Variants in STXBP6 observed in about 807,000 individuals in gnomAD.
The protein encoded by STXBP6 is syntaxin-binding protein 6.
Under a neutral mutation model 26.9 loss-of-function variants are expected in STXBP6, and 21 were observed. The ratio of observed to expected loss-of-function variants is 0.78; its 90% CI spans 0.55 to 1.12. The LOEUF (loss-of-function observed/expected upper bound fraction) is 1.12, where lower values mean the gene tolerates loss of function less well. STXBP6 is among the 50% of genes most tolerant of loss of function. The probability of loss-of-function intolerance (pLI) is 0.00; values close to 1 mark genes in which losing one functional copy is unlikely to be tolerated. For synonymous variants in STXBP6, 97 were observed against 92.6 expected (o/e 1.05, Z -0.27); for missense variants, 232 against 257.9 (o/e 0.90, Z 0.69).
At chr14:24,822,742 A>G (rs937952743) in intron 4 of STXBP6, among the ~76,000 whole-genome samples, 2 of 152,000 alleles carry the variant, frequency 1.3e-5, no homozygotes, top group Non-Finnish European at 2.9e-5. Context: ...ACCCAGTTCC[A>G]TTGCATGTCA....
intron 2 of STXBP6, among the ~76,000 whole-genome samples, chr14:24,909,199 A>C (rs1443603634): frequency 3.3e-5 from 5 of 152,248 alleles, no homozygotes; most frequent in Non-Finnish European, 7.3e-5. Context: ...ACACATTGGC[A>C]CATAAGCCTG....
chr14:24,931,133 A>AC lies in STXBP6; in HGVS notation c.154+43531_154+43532insG, dbSNP rs1349680574. 2.1e-4 allele frequency among the ~76,000 whole-genome samples: 30 copies of AC among 139,854 alleles called. 2 individuals are homozygous for AC. The highest frequency in any genetic ancestry group is 1.4e-3 in the South Asian group (6 of 4,366). The allele number at this position is 139,854 out of a possible 152,430, so 91.7% of individuals were successfully genotyped here. On this transcript the variant is annotated intron_variant, in intron 2 of 5. Coordinates refer to ENST00000323944, the MANE Select transcript of STXBP6 (RefSeq NM_001394410.1). ...ACTCCGTCTCAAAAAAAAAAAAAAAAAAAAAAAAACCCAAACACCACATGT... is the reference window on the plus strand; with the variant it reads ...ACTCCGTCTCAAAAAAAAAAAAAAAACAAAAAAAAACCCAAACACCACATGT...
chr14:24,971,703 T>A (rs939298081), intron 2 of STXBP6, among the ~76,000 whole-genome samples: 2 of 152,204 alleles, frequency 1.3e-5, no homozygotes, highest in African/African-American at 4.8e-5. Context: ...TCAAAACCAG[T>A]GAAGCCCTAC....
chr14:24,860,857 AAAAAT>A (rs1402898185), intron 2 of STXBP6, among the ~76,000 whole-genome samples: 1 of 151,816 alleles, frequency 6.6e-6, no homozygotes, highest in African/African-American at 2.4e-5. Context: ...TAGGGTGGCT[AAAAAT>A]AAAATAAATA....
At chr14:24,959,412 A>G (rs528268364) in intron 2 of STXBP6, among the ~76,000 whole-genome samples, 2 of 152,318 alleles carry the variant, frequency 1.3e-5, no homozygotes, top group Non-Finnish European at 2.9e-5. Flanking sequence ...GATGGGGAGA[A>G]CACAGAGCAA....
intron 2 of STXBP6, among the ~76,000 whole-genome samples, chr14:24,894,043 G>A (rs2070886085): frequency 6.6e-6 from 1 of 152,198 alleles, no homozygotes; most frequent in South Asian, 2.1e-4. Context: ...TATGGTAAAA[G>A]TAGAATGGAA....
intron 5 of STXBP6, among the ~76,000 whole-genome samples, chr14:24,813,576 GTGGT>G (rs1396127525): frequency 1.3e-5 from 2 of 152,276 alleles, no homozygotes; most frequent in East Asian, 3.9e-4. Flanking sequence ...ACTAATTCCT[GTGGT>G]TGGGGCTGGG....
intron 5 of STXBP6, among the ~76,000 whole-genome samples, chr14:24,818,550 G>A (rs2068046753): frequency 2.0e-5 from 3 of 152,170 alleles, no homozygotes; most frequent in Non-Finnish European, 1.5e-5. Flanking sequence ...CCCGAGGTGC[G>A]TAGTTCCCTG....
chr14:24,915,812 G>A (rs1205035733), intron 2 of STXBP6, among the ~76,000 whole-genome samples: 1 of 152,020 alleles, frequency 6.6e-6, no homozygotes, highest in Non-Finnish European at 1.5e-5. Flanking sequence ...CTGAGCCAAG[G>A]TTTGCAGAAC....
At chr14:24,905,070 T>A (rs1235849753) in intron 2 of STXBP6, among the ~76,000 whole-genome samples, 1 of 152,198 alleles carries the variant, frequency 6.6e-6, no homozygotes. Flanking sequence ...ATAGGTATCC[T>A]TTCCAAATAG....
intron 1 of STXBP6, chr14:24,995,011 CAAAA>C (rs34166172): frequency 0.011 from 1,076 of 96,654 alleles, 20 homozygotes; most frequent in African/African-American, 0.03. Context: ...GACTCCATGT[CAAAA>C]AAAAAAAAAA....
At chr14:24,915,912 C>T (rs1328244166) in intron 2 of STXBP6, among the ~76,000 whole-genome samples, 1 of 152,166 alleles carries the variant, frequency 6.6e-6, no homozygotes, top group African/African-American at 2.4e-5. Flanking sequence ...ATGTCACTAA[C>T]ATTTCTGAAC....
intron 4 of STXBP6, among the ~76,000 whole-genome samples, chr14:24,844,559 T>G (rs2139054211): frequency 6.6e-6 from 1 of 152,290 alleles, no homozygotes; most frequent in South Asian, 2.1e-4. Context: ...ACCCAATTGA[T>G]GCTCCAGAGA....
Position 24,820,529 on chromosome 14 carries a change from G to A in STXBP6, c.452-1335C>T, listed in dbSNP as rs144928790. ...CAAGATAAATCAGCACAGATAAATA[G>A]GGAGCAGAGGAAATGCAGTTCTAGG... On this transcript the variant is annotated intron_variant, in intron 4 of 5. Coordinates refer to ENST00000323944, the MANE Select transcript of STXBP6 (RefSeq NM_001394410.1). Among the ~76,000 whole-genome samples, 436 of 152,274 alleles carry A rather than the reference G, an allele frequency of 2.9e-3. 3 individuals are homozygous for A. Among genetic ancestry groups the A allele is most frequent in the African/African-American group, 9.9e-3 (411 of 41,552 alleles).
At chr14:24,824,928 G>A (rs1045099537) in intron 4 of STXBP6, among the ~76,000 whole-genome samples, 11 of 152,288 alleles carry the variant, frequency 7.2e-5, no homozygotes, top group Non-Finnish European at 1.6e-4. Context: ...GATTAGCCGC[G>A]AATTGACTCC....
intron 1 of STXBP6, among the ~76,000 whole-genome samples, chr14:25,030,293 T>C (rs771517995): frequency 3.9e-5 from 6 of 151,998 alleles, no homozygotes; most frequent in Non-Finnish European, 8.8e-5. Context: ...CCATGCCCAA[T>C]ATGAGGGGAA....
At chr14:24,974,523 G>A (rs1242259059) in intron 2 of STXBP6, 142 bp downstream of exon 2, 1 of 654,302 alleles carries the variant, frequency 1.5e-6, no homozygotes, top group African/African-American at 1.8e-5. Context: ...CCAGTAAAGA[G>A]GAAGACCAGA....
chr14:24,920,263 A>G (rs2071932651), intron 2 of STXBP6, among the ~76,000 whole-genome samples: 1 of 152,128 alleles, frequency 6.6e-6, no homozygotes, highest in Non-Finnish European at 1.5e-5. Flanking sequence ...TTTGTATACT[A>G]GATTTTAAAA....
chr14:24,848,878 C>T (rs61976832), intron 4 of STXBP6, among the ~76,000 whole-genome samples: 26,986 of 152,074 alleles, frequency 0.18, 3,050 homozygotes, highest in East Asian at 0.3. Flanking sequence ...AAAACACACA[C>T]GTACAAAACA....
Sources: allele counts gnomAD v4.1 joint callset (sites outside exome capture counted in the v4.1 genomes callset), GRCh38; gene constraint gnomAD v4.1.1; transcripts MANE v1.5; gene names NCBI Gene and HGNC (gene_info 2026-07-23, HGNC 2026-07-21).